MYO3A: variants seen among roughly 807,000 people sequenced by gnomAD.
MYO3A encodes the protein myosin-IIIa.
A neutral mutation model predicts 192.7 loss-of-function variants in MYO3A; 180 were observed. The observed-to-expected ratio is 0.93, with a 90% CI of 0.83 to 1.06. The LOEUF (loss-of-function observed/expected upper bound fraction) is 1.06. MYO3A is among the 50% of genes least tolerant of loss of function. MYO3A has a pLI of 0.00. For synonymous variants in MYO3A, 628 were observed against 645.3 expected (o/e 0.97, Z 0.41); for missense variants, 1,896 against 1,905.0 (o/e 1.00, Z 0.09).
At chr10:26,046,164 G>T (rs1489030237) in intron 10 of MYO3A, among the ~76,000 whole-genome samples, 1 of 152,126 alleles carries the variant, frequency 6.6e-6, no homozygotes, top group African/African-American at 2.4e-5. Context: ...AGAAGCACAG[G>T]TAAAACAACC....
At chr10:26,055,295 G>T (rs898978982) in intron 10 of MYO3A, among the ~76,000 whole-genome samples, 3 of 152,062 alleles carry the variant, frequency 2.0e-5, no homozygotes, top group Admixed American at 6.5e-5. Context: ...ATTTAAGGAG[G>T]TTAGAAGTTG....
intron 6 of MYO3A, among the ~76,000 whole-genome samples, chr10:26,002,719 A>ATCGG (rs1554800228): frequency 6.6e-6 from 1 of 152,100 alleles, no homozygotes; most frequent in Admixed American, 6.5e-5. Flanking sequence ...GGTAATTGAA[A>ATCGG]AAGGTTGCTT....
intron 10 of MYO3A, among the ~76,000 whole-genome samples, chr10:26,049,066 C>T (rs1843807329): frequency 1.3e-5 from 2 of 152,126 alleles, no homozygotes; most frequent in Non-Finnish European, 2.9e-5. Flanking sequence ...GTCAACTTTG[C>T]CAAGTAGTGC....
At chr10:26,059,726 G>A (rs1261355145) in intron 10 of MYO3A, among the ~76,000 whole-genome samples, 1 of 152,188 alleles carries the variant, frequency 6.6e-6, no homozygotes, top group African/African-American at 2.4e-5. Context: ...TCTCCCACTA[G>A]TTTGAAACTC....
intron 10 of MYO3A, among the ~76,000 whole-genome samples, chr10:26,042,271 G>A (rs1037621817): frequency 2.0e-5 from 3 of 152,062 alleles, no homozygotes; most frequent in African/African-American, 7.2e-5. Context: ...ACCTTTGGGA[G>A]TTTGATTATT....
intron 20 of MYO3A, among the ~76,000 whole-genome samples, chr10:26,130,416 G>C (rs1839463664): frequency 6.6e-6 from 1 of 152,168 alleles, no homozygotes; most frequent in African/African-American, 2.4e-5. Context: ...TGGCCTACAA[G>C]TTGCTTTGAT....
intron 4 of MYO3A, among the ~76,000 whole-genome samples, chr10:25,991,363 TG>T (rs1840018340): frequency 6.6e-6 from 1 of 152,186 alleles, no homozygotes; most frequent in Admixed American, 6.5e-5. Context: ...TGGGGTTGTT[TG>T]TTTTTTTCTT....
At chr10:26,088,443 C>T in intron 15 of MYO3A, 38 bp downstream of exon 15, 3 of 1,546,070 alleles carry the variant, frequency 1.9e-6, no homozygotes, top group Non-Finnish European at 2.7e-6. Flanking sequence ...TTGGAGGAAG[C>T]AGAAGCAAAC....
At chr10:26,054,908 C>T (rs890508605) in intron 10 of MYO3A, among the ~76,000 whole-genome samples, 1 of 152,180 alleles carries the variant, frequency 6.6e-6, no homozygotes, top group Non-Finnish European at 1.5e-5. Flanking sequence ...AATAAATACT[C>T]ATTGTTTTAT....
At chr10:26,170,304 A>C in intron 28 of MYO3A, 112 bp from the exon 29 acceptor site, 1 of 1,227,108 alleles carries the variant, frequency 8.1e-7, no homozygotes, top group South Asian at 1.4e-5. Flanking sequence ...TTGGCATTTT[A>C]ATTTTATTTT....
intron 10 of MYO3A, among the ~76,000 whole-genome samples, chr10:26,050,971 G>A (rs887985910): frequency 6.6e-6 from 1 of 152,140 alleles, no homozygotes; most frequent in African/African-American, 2.4e-5. Flanking sequence ...TTCCTTAGTT[G>A]TAAATCAAAA....
chr10:26,181,095 T>TA (rs1842599886), intron 31 of MYO3A, among the ~76,000 whole-genome samples: 1 of 152,152 alleles, frequency 6.6e-6, no homozygotes, highest in Non-Finnish European at 1.5e-5. Flanking sequence ...TGAGTATTTA[T>TA]AAAAACCTGT....
Position 25,996,526 on chromosome 10 carries a change from G to T in MYO3A, c.340G>T (p.Gly114Ter). The T allele has an allele frequency of 6.2e-7, 1 of 1,613,858 alleles. No individual in the cohort carries two copies. Among genetic ancestry groups the T allele is most frequent in the Non-Finnish European group, 8.5e-7 (1 of 1,179,870 alleles). Residue 114 changes from glycine to a stop codon, truncating the protein, a stop_gained, in exon 5 of 35, where the codon GGA (glycine) becomes TGA (stop). Coordinates refer to ENST00000642920, the MANE Select transcript of MYO3A (RefSeq NM_017433.5). LOFTEE classifies it high-confidence loss of function. ...SGGSVTDLVK[G>*]FLKRGERMSE... is the part of the protein sequence containing the mutation. ...AGGATCAGTGACTGACCTTGTGAAA[G>T]GATTTCTGAAGAGGGGTGAAAGAAT...
At chr10:26,002,235 C>T (rs1310815010) in intron 6 of MYO3A, among the ~76,000 whole-genome samples, 1 of 152,178 alleles carries the variant, frequency 6.6e-6, no homozygotes, top group Non-Finnish European at 1.5e-5. Context: ...GCATAGAAAC[C>T]TTCCCTCTCC....
intron 14 of MYO3A, among the ~76,000 whole-genome samples, chr10:26,083,129 A>G (rs1371815217): frequency 6.6e-6 from 1 of 152,132 alleles, no homozygotes; most frequent in Admixed American, 6.5e-5. Context: ...TTGTATTCGA[A>G]TTGTCAGCAT....
intron 4 of MYO3A, among the ~76,000 whole-genome samples, chr10:25,974,563 C>T (rs1204570385): frequency 6.6e-6 from 1 of 152,198 alleles, no homozygotes; most frequent in East Asian, 1.9e-4. Flanking sequence ...GCAGCAGAGA[C>T]AGGGGCCCAC....
intron 26 of MYO3A, among the ~76,000 whole-genome samples, chr10:26,159,705 G>C (rs931471804): frequency 6.6e-6 from 1 of 152,126 alleles, no homozygotes; most frequent in Non-Finnish European, 1.5e-5. Context: ...AGAGACCTGG[G>C]ATTATTTATT....
intron 17 of MYO3A, among the ~76,000 whole-genome samples, chr10:26,104,993 C>T (rs1445771590): frequency 6.6e-6 from 1 of 151,922 alleles, no homozygotes; most frequent in Non-Finnish European, 1.5e-5. Context: ...TCTGATTTTT[C>T]TCACTCAGCA....
chr10:26,209,963 C>T (rs1167637262), intron 34 of MYO3A, among the ~76,000 whole-genome samples: 1 of 151,974 alleles, frequency 6.6e-6, no homozygotes, highest in Non-Finnish European at 1.5e-5. Flanking sequence ...AGGAGCCAGG[C>T]GTAGTGGCTC....
Sources: gnomAD v4.1 joint callset for allele counts (sites outside exome capture counted in the v4.1 genomes callset) on GRCh38, gnomAD v4.1.1 for gene constraint, MANE v1.5 for transcripts, NCBI Gene and HGNC (gene_info 2026-07-23, HGNC 2026-07-21) for gene names.